MAF: variants seen among roughly 807,000 people sequenced by gnomAD.
MAF encodes the protein MAF bZIP transcription factor, also known as transcription factor Maf.
A neutral mutation model predicts 22.0 loss-of-function variants in MAF; 10 were observed. The observed-to-expected ratio is 0.45, with a 90% CI of 0.28 to 0.77. The LOEUF (loss-of-function observed/expected upper bound fraction) is 0.77, where lower values mean the gene tolerates loss of function less well. Among genes scored for constraint, MAF ranks in the 30% least tolerant of loss-of-function variants. MAF has a pLI of 0.12. For missense variants in MAF, 544 were observed against 548.4 expected (o/e 0.99, Z 0.08); for synonymous variants, 337 against 255.8 (o/e 1.32, Z -3.03).
the MAF span, among the ~76,000 whole-genome samples, chr16:79,486,276 A>G: frequency 5.3e-5 from 8 of 152,348 alleles, 1 homozygote; most frequent in South Asian, 1.0e-3. Context: ...GAATGAGAAA[A>G]TGAAATTTAT....
chr16:79,598,452 G>C, intron 1 of MAF: 1 of 630,926 alleles, frequency 1.6e-6, no homozygotes, highest in Non-Finnish European at 2.2e-6. Context: ...GGGCGGGGGG[G>C]TGTAAAAAAA....
the MAF span, among the ~76,000 whole-genome samples, chr16:79,272,125 A>AG: frequency 7.2e-4 from 110 of 152,294 alleles, no homozygotes; most frequent in Non-Finnish European, 1.4e-3. Flanking sequence ...AGTGGGCAGC[A>AG]GGCGGGGGCC....
At chr16:79,283,502 A>G in the MAF span, among the ~76,000 whole-genome samples, 7 of 152,218 alleles carry the variant, frequency 4.6e-5, no homozygotes, top group African/African-American at 1.7e-4. Flanking sequence ...TCTACATCCA[A>G]CGCCTTTAGG....
the MAF span, among the ~76,000 whole-genome samples, chr16:79,388,387 A>G: frequency 2.0e-5 from 3 of 152,220 alleles, no homozygotes; most frequent in Non-Finnish European, 4.4e-5. Flanking sequence ...ATTTCGTACC[A>G]CAGAACATTG....
chr16:79,305,986 G>T, the MAF span, among the ~76,000 whole-genome samples: 1 of 152,148 alleles, frequency 6.6e-6, no homozygotes, highest in Non-Finnish European at 1.5e-5. Context: ...TGCCCCTCTT[G>T]TCATTTTTTG....
the MAF span, among the ~76,000 whole-genome samples, chr16:79,383,913 T>C: frequency 3.9e-5 from 6 of 151,984 alleles, no homozygotes; most frequent in East Asian, 1.9e-4. Context: ...TGCAAACTTT[T>C]CCCCCCAAAA....
chr16:79,211,634 C>G, the MAF span: 1 of 1,614,102 alleles, frequency 6.2e-7, no homozygotes, highest in East Asian at 2.2e-5. Context: ...CCACCGTGTA[C>G]TGTGCTGCTG....
rs878947499 is a variant in MAF, at chr16:79,598,445, C to T, written c.1118+340G>A. On this transcript the variant is annotated intron_variant, in intron 1 of 1. Transcript: ENST00000326043. The stretch of plus-strand genomic sequence containing the variant: ...ACATTGTGCAAGTCCGGGGGTGGGG[C>T]GGGGGGGTGTAAAAAAAAAAAAAAA... 6.4e-4 allele frequency: 216 copies of T among 338,132 alleles called. No homozygotes were observed. The African/African-American group carries it at 0.02, about 32-fold the overall frequency. 20.9% of individuals were successfully genotyped at this position (338,132 alleles called of 1,614,324 possible). A position where few individuals can be genotyped will look rare whatever the true frequency, so the allele number is the denominator to read the frequency against.
chr16:79,255,977 CTTTTCT>C, the MAF span, among the ~76,000 whole-genome samples: 9 of 107,976 alleles, frequency 8.3e-5, no homozygotes, highest in East Asian at 2.0e-3. Context: ...TTTTTCTTTT[CTTTTCT>C]TTTTTTTTTT....
chr16:79,354,677 T>C, the MAF span, among the ~76,000 whole-genome samples: 10 of 152,224 alleles, frequency 6.6e-5, no homozygotes, highest in Admixed American at 6.5e-4. Context: ...TATGCCCATT[T>C]GTCCAAGGAA....
chr16:79,313,241 G>A, the MAF span, among the ~76,000 whole-genome samples: 1 of 152,188 alleles, frequency 6.6e-6, no homozygotes, highest in African/African-American at 2.4e-5. Flanking sequence ...AGGAGAAGAC[G>A]GCAACATTTT....
At chr16:79,502,708 A>AATATAAATATAAATATATATAT in the MAF span, among the ~76,000 whole-genome samples, 2 of 34,004 alleles carry the variant, frequency 5.9e-5, no homozygotes, top group Non-Finnish European at 1.1e-4. Flanking sequence ...TATAAATATA[A>AATATAAATATAAATATATATAT]ATATATATAT....
At chr16:79,363,646 T>G in the MAF span, among the ~76,000 whole-genome samples, 1 of 152,124 alleles carries the variant, frequency 6.6e-6, no homozygotes, top group Non-Finnish European at 1.5e-5. Flanking sequence ...GTAATTACAA[T>G]ACAACGAAAT....
At chr16:79,577,997 T>A in the MAF span, among the ~76,000 whole-genome samples, 1 of 152,222 alleles carries the variant, frequency 6.6e-6, no homozygotes, top group Admixed American at 6.5e-5. Context: ...CATTCTGGTT[T>A]CAAATTTATG....
chr16:79,555,800 C>A, the MAF span, among the ~76,000 whole-genome samples: 2 of 152,072 alleles, frequency 1.3e-5, no homozygotes, highest in African/African-American at 4.8e-5. Context: ...GGATATGAAC[C>A]CATTAATAGT....
At chr16:79,345,192 G>C in the MAF span, among the ~76,000 whole-genome samples, 1 of 108,342 alleles carries the variant, frequency 9.2e-6, no homozygotes, top group Non-Finnish European at 1.9e-5. Flanking sequence ...CTTCTCATTT[G>C]TCAGTACATT....
chr16:79,536,636 C>T, the MAF span, among the ~76,000 whole-genome samples: 4 of 151,914 alleles, frequency 2.6e-5, no homozygotes, highest in East Asian at 3.9e-4. Flanking sequence ...TGCTAGACTC[C>T]GTCTTGAAAA....
At chr16:79,423,895 C>T in the MAF span, among the ~76,000 whole-genome samples, 40 of 152,284 alleles carry the variant, frequency 2.6e-4, no homozygotes, top group East Asian at 6.9e-3. Context: ...ACAGTCATGT[C>T]TTCAGGTTCT....
chr16:79,538,374 G>C, the MAF span, among the ~76,000 whole-genome samples: 1 of 152,138 alleles, frequency 6.6e-6, no homozygotes, highest in African/African-American at 2.4e-5. Flanking sequence ...AAATAATTAA[G>C]CCAGCATCTG....
Sources: allele counts gnomAD v4.1 joint callset (sites outside exome capture counted in the v4.1 genomes callset), GRCh38; gene constraint gnomAD v4.1.1; transcripts MANE v1.5; gene names NCBI Gene and HGNC (gene_info 2026-07-23, HGNC 2026-07-21).